Variants in DNAAF11 observed in about 807,000 individuals in gnomAD.
DNAAF11 encodes the protein dynein axonemal assembly factor 11.
Under a neutral mutation model 60.8 loss-of-function variants are expected in DNAAF11, and 45 were observed. The observed-to-expected ratio is 0.74, with a 90% confidence interval of 0.58 to 0.95. The LOEUF is 0.95. Ranked by LOEUF, DNAAF11 falls within the 40% of genes least tolerant of loss-of-function variation. DNAAF11 has a pLI of 0.00. For missense variants in DNAAF11, 546 were observed against 546.2 expected, an observed-to-expected ratio of 1.00 and a Z score of 0.00; for synonymous variants, 191 against 183.5, an observed-to-expected ratio of 1.04 and a Z score of -0.33.
intron 11 of DNAAF11, among the ~76,000 whole-genome samples, chr8:132,582,163 G>C (rs1815408111): frequency 6.6e-6 from 1 of 152,114 alleles, no homozygotes; most frequent in Admixed American, 6.5e-5. Flanking sequence ...TTGGTTAATG[G>C]GGTTGCCCAG....
At chr8:132,683,482 A>C in the DNAAF11 span, among the ~76,000 whole-genome samples, 4 of 152,210 alleles carry the variant, frequency 2.6e-5, no homozygotes, top group South Asian at 8.3e-4. Context: ...GGGCACCTGG[A>C]ATAACATGCC....
At position 132,673,269 on chromosome 8, in the gene DNAAF11, A is replaced by C. The variant is rs6983597; in HGVS notation, c.10+2215T>G. ...TTTACTCTCTGTGCCTCACCAAAGA[A>C]ATAGAGATGTCAGTAATCCTTCCCT... On this transcript the variant is annotated intron_variant, in intron 1 of 11. Coordinates refer to ENST00000620350, the MANE Select transcript of DNAAF11 (RefSeq NM_012472.6). Among the ~76,000 whole-genome samples the C allele has an allele frequency of 9.6e-3, 1,461 of 152,262 alleles. 13 individuals are homozygous for C. Among genetic ancestry groups the C allele is most frequent in the Non-Finnish European group, 0.016 (1,090 of 68,022 alleles).
the DNAAF11 span, among the ~76,000 whole-genome samples, chr8:132,701,826 T>G: frequency 6.6e-6 from 1 of 152,176 alleles, no homozygotes; most frequent in Non-Finnish European, 1.5e-5. Context: ...TAGAGCCCTC[T>G]GCTTCCACCA....
chr8:132,638,224 T>C (rs1051894785), intron 3 of DNAAF11, 117 bp from the exon 4 acceptor site: 1 of 714,634 alleles, frequency 1.4e-6, no homozygotes, highest in Admixed American at 2.4e-5. Flanking sequence ...TCTGCTGATT[T>C]ATTGCATTGC....
intron 10 of DNAAF11, among the ~76,000 whole-genome samples, chr8:132,609,214 A>C (rs1818409758): frequency 6.7e-6 from 1 of 149,368 alleles, no homozygotes; most frequent in South Asian, 2.1e-4. Context: ...CAAGTCTCCA[A>C]TAAAAAATGG....
Position 132,580,813 on chromosome 8 carries a change from T to A in DNAAF11, c.1226+2881A>T, listed in dbSNP as rs567489977. Reference sequence around the variant, plus strand: ...GAAAATCCCAATACATACCTGTGTGTGTGTTTGTATGTGAGTAAAAATTGC... The same window carrying A: ...GAAAATCCCAATACATACCTGTGTGAGTGTTTGTATGTGAGTAAAAATTGC... On this transcript the variant is annotated intron_variant, in intron 11 of 11. Transcript: ENST00000620350. 2.2e-4 allele frequency among the ~76,000 whole-genome samples: 34 copies of A among 152,228 alleles called. 1 individual carries two copies. The highest frequency in any genetic ancestry group is 2.2e-4 in the Non-Finnish European group (15 of 68,036).
chr8:132,571,053 C>G lies in DNAAF11; in HGVS notation c.*1253G>C, dbSNP rs1188995124. On this transcript the variant is annotated 3_prime_UTR_variant, in exon 12 of 12. Coordinates refer to ENST00000620350, the MANE Select transcript of DNAAF11 (RefSeq NM_012472.6). Reference sequence around the variant, plus strand: ...CCAATTGCATTCCTATAACCAGTCCCTCATTCTCATCATATTTTTTTCTAA... The same window carrying G: ...CCAATTGCATTCCTATAACCAGTCCGTCATTCTCATCATATTTTTTTCTAA... 6.6e-6 allele frequency among the ~76,000 whole-genome samples: 1 copy of G among 152,182 alleles called. No homozygotes were observed. The highest frequency in any genetic ancestry group is 1.5e-5 in the Non-Finnish European group (1 of 68,038).
intron 8 of DNAAF11, among the ~76,000 whole-genome samples, chr8:132,614,459 G>C (rs1818955075): frequency 6.6e-6 from 1 of 152,206 alleles, no homozygotes; most frequent in African/African-American, 2.4e-5. Flanking sequence ...GGGGATACAG[G>C]CTGAAGGTTT....
chr8:132,622,602 C>G lies in DNAAF11; in HGVS notation c.914+9G>C, dbSNP rs754843539. 6.2e-7 allele frequency: 1 copy of G among 1,610,322 alleles called. No individual in the cohort carries two copies. The highest frequency in any genetic ancestry group is 1.1e-5 in the South Asian group (1 of 90,500). ...TTGGGTCTTTAACGCTCTATTTGGC[C>G]TCACATACTTGGGCTCATTCACATT... On this transcript the variant is annotated intron_variant, in intron 7 of 11. Transcript: ENST00000620350.
intron 3 of DNAAF11, among the ~76,000 whole-genome samples, chr8:132,646,280 A>T (rs1400073970): frequency 6.6e-6 from 1 of 152,198 alleles, no homozygotes; most frequent in Admixed American, 6.5e-5. Context: ...ACAGACAAGC[A>T]AATGCTGAGA....
At chr8:132,700,713 A>C in the DNAAF11 span, among the ~76,000 whole-genome samples, 1 of 152,130 alleles carries the variant, frequency 6.6e-6, no homozygotes. Context: ...AAATAGAAAC[A>C]GAATCTGATT....
At chr8:132,657,203 T>C (rs978806730) in intron 2 of DNAAF11, among the ~76,000 whole-genome samples, 6 of 152,128 alleles carry the variant, frequency 3.9e-5, no homozygotes, top group African/African-American at 7.2e-5. Context: ...CAATCTCTCT[T>C]GCTAGTGGTG....
At chr8:132,607,511 C>CA (rs1221425098) in intron 10 of DNAAF11, among the ~76,000 whole-genome samples, 1 of 152,126 alleles carries the variant, frequency 6.6e-6, no homozygotes, top group Non-Finnish European at 1.5e-5. Context: ...AGGGAAAAGA[C>CA]AAACTGATGA....
At chr8:132,655,361 G>GA (rs1435946455) in intron 3 of DNAAF11, among the ~76,000 whole-genome samples, 5 of 151,874 alleles carry the variant, frequency 3.3e-5, no homozygotes, top group Non-Finnish European at 5.9e-5. Context: ...CAAGCTCTCT[G>GA]AAAAAAATCG....
intron 1 of DNAAF11, among the ~76,000 whole-genome samples, chr8:132,668,947 G>A (rs975749386): frequency 2.0e-5 from 3 of 152,154 alleles, no homozygotes; most frequent in African/African-American, 7.2e-5. Flanking sequence ...AGATTGTTCA[G>A]CCAAGGTCAT....
chr8:132,660,493 C>G (rs979847863), intron 2 of DNAAF11, among the ~76,000 whole-genome samples: 1 of 152,190 alleles, frequency 6.6e-6, no homozygotes, highest in African/African-American at 2.4e-5. Context: ...CCAGGTTTAC[C>G]TGATGCCAGA....
At chr8:132,610,324 A>C in intron 9 of DNAAF11, 63 bp from the exon 10 acceptor site, 1 of 1,042,072 alleles carries the variant, frequency 9.6e-7, no homozygotes, top group Non-Finnish European at 1.5e-6. Flanking sequence ...GGGTTACTAA[A>C]AGGGGCATTT....
chr8:132,677,250 T>A (rs1249726717), upstream of DNAAF11, among the ~76,000 whole-genome samples: 1 of 152,104 alleles, frequency 6.6e-6, no homozygotes, highest in African/African-American at 2.4e-5. Context: ...AAGGGGTTCA[T>A]CAAGGCTAAA....
chr8:132,678,593 C>T (rs995111382), upstream of DNAAF11, among the ~76,000 whole-genome samples: 1 of 151,898 alleles, frequency 6.6e-6, no homozygotes. Context: ...CTGTGTTGCC[C>T]AGGCTGGTCT....
Sources: gnomAD v4.1 joint callset for allele counts (sites outside exome capture counted in the v4.1 genomes callset) on GRCh38, gnomAD v4.1.1 for gene constraint, MANE v1.5 for transcripts, NCBI Gene and HGNC (gene_info 2026-07-23, HGNC 2026-07-21) for gene names.